Variants in ZNF74 observed in about 807,000 individuals in gnomAD.
ZNF74 encodes the protein zinc finger protein 520.
A neutral mutation model predicts 17.7 loss-of-function variants in ZNF74; 12 were observed. The observed-to-expected ratio is 0.68, with a 90% CI of 0.43 to 1.10. The LOEUF is 1.10. ZNF74 is among the 50% of genes least tolerant of loss of function. The pLI, the probability that ZNF74 is intolerant of heterozygous loss-of-function variation, is 0.00. For synonymous variants in ZNF74, 358 were observed against 362.1 expected, an observed-to-expected ratio of 0.99 and a Z score of 0.13; for missense variants, 811 against 881.0, an observed-to-expected ratio of 0.92 and a Z score of 1.01.
intron 2 of ZNF74, among the ~76,000 whole-genome samples, chr22:20,397,678 A>G (rs1235479447): frequency 6.6e-6 from 1 of 152,116 alleles, no homozygotes; most frequent in African/African-American, 2.4e-5. Flanking sequence ...GAGTTTATCC[A>G]TATTGTTGTG....
intron 1 of ZNF74, 80 bp from the exon 2 acceptor site, chr22:20,395,253 C>A: frequency 8.9e-7 from 1 of 1,121,612 alleles, no homozygotes; most frequent in Non-Finnish European, 1.3e-6. Context: ...CTCTGATTCT[C>A]ACTTGTGCCA....
chr22:20,406,703 A>C lies in ZNF74; in HGVS notation c.1670A>C (p.Lys557Thr). 6.2e-7 allele frequency: 1 copy of C among 1,614,206 alleles called. No individual in the cohort carries two copies. Among genetic ancestry groups the C allele is most frequent in the Non-Finnish European group, 8.5e-7 (1 of 1,180,038 alleles). ...QKIHSGEKSF[K>T]CEKCGEMFNW... is the part of the protein sequence containing the mutation. Reference sequence around the variant, plus strand: ...ATCCACTCCGGGGAGAAGTCGTTTAAGTGTGAGAAATGTGGGGAGATGTTC... The same window carrying C: ...ATCCACTCCGGGGAGAAGTCGTTTACGTGTGAGAAATGTGGGGAGATGTTC... The change falls in exon 5 of 5, where the codon AAG becomes ACG. Residue 557 changes from lysine to threonine, a missense_variant. Transcript: ENST00000400451.
Position 20,406,106 on chromosome 22 carries a change from A to C in ZNF74, c.1073A>C (p.Lys358Thr). Residue 358 changes from lysine (K) to threonine (T), a missense_variant, in exon 5 of 5, where the codon AAG becomes ACG. Around this residue, in one of 3 missense-constraint regions of ZNF74, gnomAD observed 666 missense variants for 702.3 expected, o/e 0.95. Coordinates refer to ENST00000400451, the MANE Select transcript of ZNF74 (RefSeq NM_003426.4). Reference sequence around the variant, plus strand: ...CACCTGCGGGTGCACACCGGCGAGAAGCCCTACCGGTGCGGCGAGTGCGGC... The same window carrying C: ...CACCTGCGGGTGCACACCGGCGAGACGCCCTACCGGTGCGGCGAGTGCGGC... ...SMHLRVHTGE[K>T]PYRCGECGKA... 6.2e-7 allele frequency: 1 copy of C among 1,612,996 alleles called. No homozygotes were observed. Among genetic ancestry groups the C allele is most frequent in the Non-Finnish European group, 8.5e-7 (1 of 1,179,668 alleles).
rs2052428722 is a variant in ZNF74, at chr22:20,406,420, C to T, written c.1387C>T (p.Arg463Trp). The change falls in exon 5 of 5, where the codon CGG becomes TGG. Residue 463 changes from arginine to tryptophan, a missense_variant. Around this residue, in one of 3 missense-constraint regions of ZNF74, gnomAD observed 666 missense variants for 702.3 expected, o/e 0.95. Transcript: ENST00000400451. ...FSCHAYLLVH[R>W]RIHSGEKPFK... ...CTGCCACGCGTACCTGCTCGTGCAC[C>T]GGCGCATCCACAGCGGCGAGAAGCC... is the stretch of plus-strand genomic sequence containing the variant. 12 of 1,613,902 alleles carry T rather than the reference C, an allele frequency of 7.4e-6. No individual in the cohort carries two copies. The highest frequency in any genetic ancestry group is 1.7e-5 in the Admixed American group (1 of 60,016).
intron 4 of ZNF74, among the ~76,000 whole-genome samples, chr22:20,402,275 T>C (rs973325246): frequency 6.6e-6 from 1 of 152,172 alleles, no homozygotes; most frequent in African/African-American, 2.4e-5. Context: ...GCCCCAGCTT[T>C]CTGGTCTTTA....
At position 20,401,368 on chromosome 22, in the gene ZNF74, T is replaced by C. The variant is rs764229264; in HGVS notation, c.339T>C (p.Cys113=). Residue 113 remains cysteine (C), a synonymous_variant, in exon 4 of 5, where the codon TGT becomes TGC. Coordinates refer to ENST00000400451, the MANE Select transcript of ZNF74 (RefSeq NM_003426.4). The surrounding 1 kb of genome is among the most constrained non-coding windows in gnomAD (Gnocchi z 4.2). Reference sequence around the variant, plus strand: ...AGAGGGAAGTCCCCAGAGGGCCCTGTCCAGGTGAGCAGAGGCACAGGTGGA... The same window carrying C: ...AGAGGGAAGTCCCCAGAGGGCCCTGCCCAGGTGAGCAGAGGCACAGGTGGA... The part of the protein sequence containing the change: ...SMQREVPRGP[C]PEWELKAVPS... The C allele has an allele frequency of 5.0e-6, 8 of 1,601,752 alleles. No individual in the cohort carries two copies. The highest frequency in any genetic ancestry group is 6.8e-6 in the Non-Finnish European group (8 of 1,173,290).
At chr22:20,404,247 C>T (rs944662763) in intron 4 of ZNF74, among the ~76,000 whole-genome samples, 1 of 152,190 alleles carries the variant, frequency 6.6e-6, no homozygotes, top group Non-Finnish European at 1.5e-5. Flanking sequence ...GAAACCTCCC[C>T]CTTTGACAGA....
Position 20,405,628 on chromosome 22 carries a change from G to T in ZNF74, c.595G>T (p.Asp199Tyr), listed in dbSNP as rs748285494. The T allele has an allele frequency of 6.8e-6, 11 of 1,613,226 alleles. No homozygotes were observed. Among genetic ancestry groups the T allele is most frequent in the South Asian group, 3.3e-5 (3 of 90,994 alleles). Residue 199 changes from aspartate to tyrosine, a missense_variant, in exon 5 of 5, where the codon GAC becomes TAC. This residue lies in a region of ZNF74 where 666 missense variants were observed against 702.3 expected (regional missense o/e 0.95). Coordinates refer to ENST00000400451, the MANE Select transcript of ZNF74 (RefSeq NM_003426.4). ...CGTTCCCGAGGGGGGACCCTTGCTG[G>T]ACACACGCAAGAACGTCCAGGCCAC... Reference protein sequence around the residue: ...QRVPEGGPLLDTRKNVQATEG... With the variant: ...QRVPEGGPLLYTRKNVQATEG...
At chr22:20,396,813 G>A (rs1193190938) in intron 2 of ZNF74, among the ~76,000 whole-genome samples, 2 of 152,140 alleles carry the variant, frequency 1.3e-5, no homozygotes, top group African/African-American at 4.8e-5. Flanking sequence ...TGACTTCTCT[G>A]CTAGTGTCAT....
intron 2 of ZNF74, 29 bp from the exon 3 acceptor site, chr22:20,400,603 C>T (rs2052345553): frequency 6.2e-7 from 1 of 1,613,834 alleles, no homozygotes; most frequent in African/African-American, 1.3e-5. Flanking sequence ...CAGAATCAGT[C>T]CTGGGTGAGA....
rs1240249433 is a variant in ZNF74, at chr22:20,401,298, A to T, written c.269A>T (p.Asp90Val). 2 of 1,611,932 alleles carry T rather than the reference A, an allele frequency of 1.2e-6. No individual in the cohort carries two copies. Among genetic ancestry groups the T allele is most frequent in the Admixed American group, 1.7e-5 (1 of 59,862 alleles). ...GCAGGACCTCCACTGCACAAGCCAG[A>T]TGTGATCTCTCATCTGGAACGAGGC... ...LALGPPLHKP[D>V]VISHLERGEE... The change falls in exon 4 of 5, where the codon GAT becomes GTT. Residue 90 changes from aspartate to valine, a missense_variant. Transcript: ENST00000400451. The surrounding 1 kb of genome is among the most constrained non-coding windows in gnomAD (Gnocchi z 4.2).
intron 2 of ZNF74, among the ~76,000 whole-genome samples, chr22:20,396,271 G>A (rs889248571): frequency 4.6e-5 from 7 of 151,800 alleles, no homozygotes; most frequent in Admixed American, 6.6e-5. Flanking sequence ...ATTGTGAGCT[G>A]TGCCTCACTT....
intron 4 of ZNF74, among the ~76,000 whole-genome samples, chr22:20,402,221 C>T (rs1007302809): frequency 6.6e-6 from 1 of 152,150 alleles, no homozygotes; most frequent in Non-Finnish European, 1.5e-5. Flanking sequence ...CATCCCCCTC[C>T]ACTGCCACAT....
Position 20,406,685 on chromosome 22 carries a change from C to T in ZNF74, c.1652C>T (p.Ser551Phe). ...HCLIKHQKIH[S>F]GEKSFKCEKC... is the part of the protein sequence containing the mutation. The stretch of plus-strand genomic sequence containing the variant: ...CTCATTAAACATCAGAAAATCCACT[C>T]CGGGGAGAAGTCGTTTAAGTGTGAG... The change falls in exon 5 of 5, where the codon TCC (serine) becomes TTC (phenylalanine). Residue 551 changes from serine (S) to phenylalanine (F), a missense_variant. Transcript: ENST00000400451. The T allele has an allele frequency of 6.2e-7, 1 of 1,614,204 alleles. No individual in the cohort carries two copies.
intron 2 of ZNF74, among the ~76,000 whole-genome samples, chr22:20,397,902 TC>T (rs765970953): frequency 3.9e-5 from 6 of 152,216 alleles, no homozygotes; most frequent in Non-Finnish European, 8.8e-5. Context: ...TTTCCCCGCA[TC>T]TTCACATGGT....
chr22:20,394,923 G>A (rs1482527556), intron 1 of ZNF74: 2 of 518,686 alleles, frequency 3.9e-6, no homozygotes, highest in African/African-American at 3.9e-5. Context: ...ACCACGCCCG[G>A]CTAATGTTTG....
chr22:20,401,394 A>C lies in ZNF74; in HGVS notation c.343+22A>C. On this transcript the variant is annotated intron_variant, in intron 4 of 4. Transcript: ENST00000400451. This position sits in a 1 kb window ranked among gnomAD's most constrained non-coding sequence, Gnocchi z 4.2. The stretch of plus-strand genomic sequence containing the variant: ...CCAGGTGAGCAGAGGCACAGGTGGA[A>C]GGGTGCCAGCCCCAGCACCCCTGGT... 1 of 1,517,670 alleles carries C rather than the reference A, an allele frequency of 6.6e-7. No homozygotes were observed. The highest frequency in any genetic ancestry group is 9.1e-7 in the Non-Finnish European group (1 of 1,104,380). 94.0% of individuals were successfully genotyped at this position (1,517,670 alleles called of 1,614,324 possible).
At chr22:20,396,623 AG>A (rs1228496453) in intron 2 of ZNF74, among the ~76,000 whole-genome samples, 2 of 152,122 alleles carry the variant, frequency 1.3e-5, no homozygotes, top group Non-Finnish European at 2.9e-5. Flanking sequence ...AGCTCCGTCT[AG>A]GTGGTAGGGC....
In ZNF74 at chr22:20,400,671, C is replaced by T. The variant is rs768063919; in HGVS notation, c.160C>T (p.Gln54Ter). The change falls in exon 3 of 5, where the codon CAG becomes TAG. Residue 54 changes from glutamine (Q) to a stop codon, truncating the protein, a stop_gained. Transcript: ENST00000400451. LOFTEE classifies it high-confidence loss of function. ...SFKDVAVDFT[Q>*]EEWGQLDSPQ... ...CAAGGATGTGGCTGTGGACTTCACC[C>T]AGGAGGAGTGGGGTCAACTAGACTC... is the stretch of plus-strand genomic sequence containing the variant. 2 of 1,614,142 alleles carry T rather than the reference C, an allele frequency of 1.2e-6. No individual in the cohort carries two copies. Among genetic ancestry groups the T allele is most frequent in the Non-Finnish European group, 1.7e-6 (2 of 1,180,010 alleles).
Sources: allele counts gnomAD v4.1 joint callset (sites outside exome capture counted in the v4.1 genomes callset), GRCh38; gene constraint gnomAD v4.1.1; regional missense constraint gnomAD v4.1.1; non-coding constraint Gnocchi (gnomAD v3.1); transcripts MANE v1.5; gene names NCBI Gene and HGNC (gene_info 2026-07-23, HGNC 2026-07-21).